Variants in TXNRD2 observed in about 807,000 individuals in gnomAD.
TXNRD2 encodes the protein thioredoxin reductase 2.
In TXNRD2, 67 loss-of-function variants were observed where a neutral mutation model predicts 70.8. The ratio of observed to expected loss-of-function variants is 0.95; its 90% CI spans 0.78 to 1.16. The LOEUF is 1.16. TXNRD2 is among the 50% of genes most tolerant of loss of function. TXNRD2 has a pLI of 0.00. For missense variants in TXNRD2, 644 were observed against 719.9 expected, an observed-to-expected ratio of 0.89 and a Z score of 1.21; for synonymous variants, 301 against 295.8, an observed-to-expected ratio of 1.02 and a Z score of -0.18.
At chr22:19,939,962 G>A (rs976553310) in intron 1 of TXNRD2, among the ~76,000 whole-genome samples, 37 of 152,226 alleles carry the variant, frequency 2.4e-4, no homozygotes, top group Middle Eastern at 3.4e-3. Flanking sequence ...AAAATGACTC[G>A]GCTGGGCGCA....
chr22:19,887,568 C>T (rs1459133308), intron 11 of TXNRD2: 1 of 152,242 alleles, frequency 6.6e-6, no homozygotes, highest in Non-Finnish European at 1.5e-5. Context: ...CGGCAGCGTC[C>T]TCCCTGCAGG....
chr22:19,901,214 T>C (rs934922754), intron 8 of TXNRD2, among the ~76,000 whole-genome samples: 7 of 152,178 alleles, frequency 4.6e-5, no homozygotes, highest in Non-Finnish European at 8.8e-5. Context: ...CGGGGGCAGG[T>C]GACTCTCCAG....
intron 11 of TXNRD2, 120 bp downstream of exon 11, chr22:19,895,287 C>T (rs758997605): frequency 2.6e-5 from 41 of 1,594,702 alleles, no homozygotes; most frequent in Non-Finnish European, 3.5e-5. Context: ...GGGGAGCGGC[C>T]AACCCGCCTG....
rs969582646 is a variant in TXNRD2 at position 19,877,183 on chromosome 22, T to C, written c.1497A>G (p.Thr499=). ...GCAGCTTGACTACCTCCTCAGAGCA[T>C]GTGGGATGGATACCCACGGTCCGCA... is the stretch of plus-strand genomic sequence containing the variant. ...QVMRTVGIHP[T]CSEEVVKLRI... The change falls in exon 17 of 18, where the codon ACA becomes ACG. Residue 499 remains threonine, a synonymous_variant. Transcript: ENST00000400521. 5.0e-6 allele frequency: 8 copies of C among 1,611,728 alleles called. No homozygotes were observed. In the African/African-American group the frequency reaches 8.0e-5, roughly 16 times the overall value.
intron 8 of TXNRD2, among the ~76,000 whole-genome samples, chr22:19,902,094 G>A (rs1357534146): frequency 6.6e-6 from 1 of 152,198 alleles, no homozygotes; most frequent in Non-Finnish European, 1.5e-5. Context: ...CTACTCGGGA[G>A]GCTGAGGAAG....
intron 11 of TXNRD2, among the ~76,000 whole-genome samples, chr22:19,892,001 G>C (rs1010158268): frequency 6.6e-6 from 1 of 152,226 alleles, no homozygotes; most frequent in African/African-American, 2.4e-5. Context: ...GCCAGCACTC[G>C]GCCCCACACG....
intron 2 of TXNRD2, among the ~76,000 whole-genome samples, chr22:19,925,017 G>T (rs1364555959): frequency 1.3e-5 from 2 of 151,604 alleles, no homozygotes; most frequent in Admixed American, 6.6e-5. Context: ...AGGCATGGTG[G>T]CTCACGCCTG....
intron 1 of TXNRD2, among the ~76,000 whole-genome samples, chr22:19,935,557 C>T (rs568952204): frequency 6.6e-6 from 1 of 152,244 alleles, no homozygotes; most frequent in East Asian, 1.9e-4. Flanking sequence ...GACCTACTCC[C>T]TATTGGCACA....
intron 10 of TXNRD2, among the ~76,000 whole-genome samples, chr22:19,896,236 T>G (rs1939501018): frequency 6.6e-6 from 1 of 151,176 alleles, no homozygotes; most frequent in Non-Finnish European, 1.5e-5. Context: ...AGGTGGAGCT[T>G]GCAGTGAGCC....
chr22:19,895,244 C>T, intron 11 of TXNRD2, 163 bp downstream of exon 11: 1 of 1,594,306 alleles, frequency 6.3e-7, no homozygotes, highest in Non-Finnish European at 8.5e-7. Flanking sequence ...AGTGCCGCCC[C>T]ACAGGCCTTC....
chr22:19,905,128 T>A (rs1401726852), intron 8 of TXNRD2, among the ~76,000 whole-genome samples: 1 of 152,130 alleles, frequency 6.6e-6, no homozygotes, highest in Non-Finnish European at 1.5e-5. Flanking sequence ...CTGTTACAAC[T>A]TGCATTAACA....
intron 2 of TXNRD2, 75 bp from the exon 3 acceptor site, chr22:19,919,674 T>G (rs1021684327): frequency 7.6e-7 from 1 of 1,320,134 alleles, no homozygotes; most frequent in African/African-American, 2.2e-5. Context: ...TCCTCAGGGC[T>G]TGTGAGGTCC....
chr22:19,940,063 G>GTATT (rs1941650035), intron 1 of TXNRD2, among the ~76,000 whole-genome samples: 1 of 151,908 alleles, frequency 6.6e-6, no homozygotes, highest in Non-Finnish European at 1.5e-5. Flanking sequence ...CTAATACAGT[G>GTATT]AAATCCCGTC....
intron 8 of TXNRD2, among the ~76,000 whole-genome samples, chr22:19,899,839 A>G (rs1939692018): frequency 1.3e-5 from 2 of 152,124 alleles, no homozygotes; most frequent in South Asian, 4.1e-4. Flanking sequence ...ATATGCACAC[A>G]CTCATGTAGA....
chr22:19,921,020 C>T (rs12484807), intron 2 of TXNRD2, among the ~76,000 whole-genome samples: 25,964 of 144,352 alleles, frequency 0.18, 2,290 homozygotes, highest in South Asian at 0.24. Flanking sequence ...GGCGGGAGAA[C>T]GGTGTGAACC....
intron 7 of TXNRD2, among the ~76,000 whole-genome samples, chr22:19,914,510 A>G (rs1667962785): frequency 6.6e-6 from 1 of 151,928 alleles, no homozygotes; most frequent in South Asian, 2.1e-4. Flanking sequence ...ACACACACAT[A>G]CGAGTCACTA....
At chr22:19,885,700 G>A (rs188408778) in intron 11 of TXNRD2, among the ~76,000 whole-genome samples, 1 of 152,296 alleles carries the variant, frequency 6.6e-6, no homozygotes, top group East Asian at 1.9e-4. Flanking sequence ...AGCACTTCCT[G>A]GTGCCTGCTC....
At chr22:19,912,913 T>A (rs961435185) in intron 7 of TXNRD2, among the ~76,000 whole-genome samples, 1 of 152,134 alleles carries the variant, frequency 6.6e-6, no homozygotes, top group Non-Finnish European at 1.5e-5. Context: ...TTGCTCTGCC[T>A]CCACCGGACT....
intron 8 of TXNRD2, among the ~76,000 whole-genome samples, chr22:19,902,528 G>A (rs1208732750): frequency 1.3e-5 from 2 of 152,192 alleles, no homozygotes; most frequent in African/African-American, 2.4e-5. Context: ...CAGATGGGCC[G>A]CCAAGCTGCA....
Sources: allele counts gnomAD v4.1 joint callset (sites outside exome capture counted in the v4.1 genomes callset), GRCh38; gene constraint gnomAD v4.1.1; transcripts MANE v1.5; gene names NCBI Gene and HGNC (gene_info 2026-07-23, HGNC 2026-07-21).